The following SLC24A2 variants were observed in gnomAD, a reference collection of about 807,000 sequenced individuals.
SLC24A2 encodes the protein sodium/potassium/calcium exchanger 2.
SLC24A2 carries 36 observed loss-of-function variants against 62.0 expected under a neutral mutation model. The ratio of observed to expected loss-of-function variants is 0.58; its 90% CI spans 0.44 to 0.77. The LOEUF is 0.77. SLC24A2 is among the 30% of genes least tolerant of loss of function. The probability of loss-of-function intolerance (pLI) is 0.00; values close to 1 mark genes in which losing one functional copy is unlikely to be tolerated. For missense variants in SLC24A2, 846 were observed against 817.9 expected (o/e 1.03, Z -0.42); for synonymous variants, 358 against 294.0 (o/e 1.22, Z -2.23).
chr9:20,221,724 G>A, the SLC24A2 span, among the ~76,000 whole-genome samples: 1 of 152,004 alleles, frequency 6.6e-6, no homozygotes, highest in Non-Finnish European at 1.5e-5. Context: ...AGCTCTCAGA[G>A]AGCAGACTTT....
chr9:19,984,721 A>G, the SLC24A2 span, among the ~76,000 whole-genome samples: 13 of 152,154 alleles, frequency 8.5e-5, no homozygotes, highest in African/African-American at 2.9e-4. Context: ...ATAAATAAAT[A>G]AGCCCAAATA....
the SLC24A2 span, among the ~76,000 whole-genome samples, chr9:19,990,792 A>C: frequency 6.7e-6 from 1 of 150,208 alleles, no homozygotes; most frequent in South Asian, 2.1e-4. Context: ...CGCTTTATCC[A>C]GTGGATCCAC....
At chr9:19,622,357 C>G in intron 2 of SLC24A2, 58 bp from the exon 3 acceptor site, 1 of 1,491,952 alleles carries the variant, frequency 6.7e-7, no homozygotes, top group Non-Finnish European at 9.3e-7. Flanking sequence ...TGAAGAATCA[C>G]ATATGGCATT....
chr9:19,889,066 G>A, the SLC24A2 span, among the ~76,000 whole-genome samples: 650 of 152,292 alleles, frequency 4.3e-3, 9 homozygotes, highest in African/African-American at 0.015. Context: ...AGCTAGCACA[G>A]TAGAGACACT....
At chr9:20,122,717 A>C in the SLC24A2 span, among the ~76,000 whole-genome samples, 2 of 151,844 alleles carry the variant, frequency 1.3e-5, no homozygotes, top group East Asian at 1.9e-4. Context: ...CAACAAAAAA[A>C]CTCTACTTCT....
chr9:20,105,551 A>C, the SLC24A2 span, among the ~76,000 whole-genome samples: 1 of 152,050 alleles, frequency 6.6e-6, no homozygotes, highest in African/African-American at 2.4e-5. Context: ...ATCTCACTCA[A>C]AACCACTCAA....
the SLC24A2 span, among the ~76,000 whole-genome samples, chr9:20,084,929 G>T: frequency 6.6e-6 from 1 of 152,190 alleles, no homozygotes; most frequent in African/African-American, 2.4e-5. Context: ...ATTGGGAAAG[G>T]ATTGCTTCTG....
At chr9:20,109,346 C>G in the SLC24A2 span, among the ~76,000 whole-genome samples, 1 of 152,208 alleles carries the variant, frequency 6.6e-6, no homozygotes, top group Non-Finnish European at 1.5e-5. Context: ...TGCTTGCAAG[C>G]TAAGCCCCTG....
At chr9:19,947,328 T>C in the SLC24A2 span, among the ~76,000 whole-genome samples, 5 of 146,124 alleles carry the variant, frequency 3.4e-5, no homozygotes, top group South Asian at 6.4e-4. Context: ...TATCCAAAAG[T>C]AGGCTGCACT....
At chr9:19,544,119 G>C (rs1834423762) in intron 8 of SLC24A2, among the ~76,000 whole-genome samples, 1 of 152,052 alleles carries the variant, frequency 6.6e-6, no homozygotes, top group Non-Finnish European at 1.5e-5. Flanking sequence ...GCTCCTGAAT[G>C]GTGTGCATAT....
chr9:20,118,782 C>A, the SLC24A2 span, among the ~76,000 whole-genome samples: 21 of 152,182 alleles, frequency 1.4e-4, no homozygotes, highest in East Asian at 3.9e-3. Context: ...AACATAGATG[C>A]TGTGGTAAAC....
the SLC24A2 span, among the ~76,000 whole-genome samples, chr9:19,819,065 T>G: frequency 2.0e-5 from 3 of 152,006 alleles, no homozygotes; most frequent in Non-Finnish European, 2.9e-5. Context: ...CCAACTGATC[T>G]TTGACAAAGC....
At chr9:19,946,930 A>C in the SLC24A2 span, among the ~76,000 whole-genome samples, 4 of 151,770 alleles carry the variant, frequency 2.6e-5, no homozygotes, top group East Asian at 3.9e-4. Context: ...GCTTTCTTCT[A>C]ATGTAAAAAA....
intron 2 of SLC24A2, among the ~76,000 whole-genome samples, chr9:19,739,159 A>G (rs1267096321): frequency 2.0e-5 from 3 of 152,186 alleles, no homozygotes; most frequent in Non-Finnish European, 4.4e-5. Context: ...CTAATCAAAA[A>G]TGTGCATGAC....
chr9:19,584,102 G>C (rs907583201), intron 5 of SLC24A2, among the ~76,000 whole-genome samples: 1 of 151,882 alleles, frequency 6.6e-6, no homozygotes, highest in Non-Finnish European at 1.5e-5. Flanking sequence ...CTGGGAGAGG[G>C]ATCTTCCCTC....
At chr9:20,005,310 C>T in the SLC24A2 span, among the ~76,000 whole-genome samples, 1 of 152,068 alleles carries the variant, frequency 6.6e-6, no homozygotes, top group African/African-American at 2.4e-5. Flanking sequence ...GATGACTAAC[C>T]TCCTGGCAAT....
At chr9:19,571,455 C>T (rs1385237503) in intron 7 of SLC24A2, among the ~76,000 whole-genome samples, 1 of 151,796 alleles carries the variant, frequency 6.6e-6, no homozygotes, top group Admixed American at 6.6e-5. Context: ...AGTCTGGTTT[C>T]TATTTGCAGG....
At chr9:20,238,364 A>C in the SLC24A2 span, among the ~76,000 whole-genome samples, 1 of 152,174 alleles carries the variant, frequency 6.6e-6, no homozygotes, top group East Asian at 1.9e-4. Flanking sequence ...TAGGCTGAAA[A>C]ACCAATTTAG....
intron 5 of SLC24A2, among the ~76,000 whole-genome samples, chr9:19,591,607 C>G (rs111326916): frequency 6.6e-6 from 1 of 152,184 alleles, no homozygotes; most frequent in Non-Finnish European, 1.5e-5. Flanking sequence ...GACCCTTCCT[C>G]CTTCCAAGAA....
Sources: gnomAD v4.1 joint callset for allele counts (sites outside exome capture counted in the v4.1 genomes callset) on GRCh38, gnomAD v4.1.1 for gene constraint, MANE v1.5 for transcripts, NCBI Gene and HGNC (gene_info 2026-07-23, HGNC 2026-07-21) for gene names.